Variants in PHACTR1 observed in about 807,000 individuals in gnomAD.
PHACTR1 encodes phosphatase and actin regulator 1, also known as RPEL repeat containing 1.
Under a neutral mutation model 69.2 loss-of-function variants are expected in PHACTR1, and 16 were observed. That is an observed-to-expected ratio of 0.23 (90% CI 0.16 to 0.35). The LOEUF (loss-of-function observed/expected upper bound fraction) is 0.35, where lower values mean the gene tolerates loss of function less well. PHACTR1 is among the 10% of genes least tolerant of loss of function. The pLI, the probability that PHACTR1 is intolerant of heterozygous loss-of-function variation, is 1.00. For synonymous variants in PHACTR1, 312 were observed against 284.5 expected (o/e 1.10, Z -0.97); for missense variants, 510 against 734.7 (o/e 0.69, Z 3.54).
At chr6:13,072,118 G>C (rs139952766) in intron 5 of PHACTR1, among the ~76,000 whole-genome samples, 2 of 152,326 alleles carry the variant, frequency 1.3e-5, no homozygotes, top group African/African-American at 4.8e-5. Context: ...ATGAATGGCT[G>C]AAACATCACT....
chr6:13,160,526 T>C (rs1758837400), intron 6 of PHACTR1, among the ~76,000 whole-genome samples: 1 of 152,226 alleles, frequency 6.6e-6, no homozygotes. Context: ...CACAGGAGGC[T>C]AAGCAAAATG....
chr6:12,872,199 T>A (rs1782097858), intron 4 of PHACTR1, among the ~76,000 whole-genome samples: 1 of 152,168 alleles, frequency 6.6e-6, no homozygotes, highest in South Asian at 2.1e-4. Flanking sequence ...AAAAGAAGAC[T>A]TTTATCTGTT....
chr6:12,908,006 T>C (rs1785937477), intron 4 of PHACTR1, among the ~76,000 whole-genome samples: 1 of 152,216 alleles, frequency 6.6e-6, no homozygotes, highest in Non-Finnish European at 1.5e-5. Context: ...CTTGAATAAT[T>C]CCCACAAAAT....
chr6:12,939,544 G>T (rs2127539188), intron 4 of PHACTR1, among the ~76,000 whole-genome samples: 1 of 152,254 alleles, frequency 6.6e-6, no homozygotes, highest in South Asian at 2.1e-4. Context: ...CAAGTCTAAG[G>T]CTGACGCATA....
chr6:13,133,365 C>G (rs561468569), intron 5 of PHACTR1, among the ~76,000 whole-genome samples: 1 of 151,538 alleles, frequency 6.6e-6, no homozygotes, highest in African/African-American at 2.4e-5. Flanking sequence ...ACTGTAATGC[C>G]GCCATCTCGG....
intron 7 of PHACTR1, among the ~76,000 whole-genome samples, chr6:13,191,180 C>T (rs1763533900): frequency 6.6e-6 from 1 of 152,184 alleles, no homozygotes; most frequent in East Asian, 1.9e-4. Flanking sequence ...CCCAGTAATC[C>T]CAGTGCAATA....
intron 5 of PHACTR1, among the ~76,000 whole-genome samples, chr6:13,089,292 A>T (rs1430359374): frequency 6.6e-6 from 1 of 152,208 alleles, no homozygotes; most frequent in Non-Finnish European, 1.5e-5. Flanking sequence ...ATCTGGGCAG[A>T]GAACCCAGGG....
chr6:12,948,232 G>A (rs893952644), intron 4 of PHACTR1, among the ~76,000 whole-genome samples: 3 of 152,212 alleles, frequency 2.0e-5, no homozygotes, highest in Admixed American at 6.5e-5. Context: ...GTGTTGGTAA[G>A]CTGTACAGAG....
At chr6:12,954,117 G>C (rs1018682072) in intron 4 of PHACTR1, among the ~76,000 whole-genome samples, 6 of 152,116 alleles carry the variant, frequency 3.9e-5, no homozygotes, top group African/African-American at 1.4e-4. Flanking sequence ...TTTCAAGGAA[G>C]AACATTCCAG....
At chr6:13,272,644 G>A (rs563552779) in intron 10 of PHACTR1, 25 of 1,420,518 alleles carry the variant, frequency 1.8e-5, no homozygotes, top group African/African-American at 1.3e-4. Context: ...GGAGGAGGGC[G>A]GGGGTCAGCG....
At chr6:12,739,090 T>C (rs1466141600) in intron 3 of PHACTR1, among the ~76,000 whole-genome samples, 1 of 152,088 alleles carries the variant, frequency 6.6e-6, no homozygotes, top group African/African-American at 2.4e-5. Flanking sequence ...TGCGACACTC[T>C]TGTGACATGT....
At chr6:13,042,429 G>T (rs1804334862) in intron 4 of PHACTR1, among the ~76,000 whole-genome samples, 1 of 152,168 alleles carries the variant, frequency 6.6e-6, no homozygotes, top group African/African-American at 2.4e-5. Context: ...AGGATCCTAG[G>T]GTTCATTAGG....
intron 5 of PHACTR1, among the ~76,000 whole-genome samples, chr6:13,083,299 T>C (rs1811712518): frequency 6.6e-6 from 1 of 152,012 alleles, no homozygotes; most frequent in African/African-American, 2.4e-5. Context: ...GTTCCATTGG[T>C]CTATATCTCT....
intron 4 of PHACTR1, among the ~76,000 whole-genome samples, chr6:12,911,351 AAAAG>A (rs772420040): frequency 1.6e-4 from 25 of 152,340 alleles, no homozygotes; most frequent in South Asian, 6.2e-4. Context: ...CTTCCAAAAA[AAAAG>A]AAAGAAAGAG....
intron 4 of PHACTR1, among the ~76,000 whole-genome samples, chr6:12,925,445 C>G (rs138908876): frequency 6.6e-6 from 1 of 152,162 alleles, no homozygotes; most frequent in Non-Finnish European, 1.5e-5. Context: ...ATTTTAATAA[C>G]TTAATGTCTT....
At chr6:13,033,437 C>A (rs1036096867) in intron 4 of PHACTR1, among the ~76,000 whole-genome samples, 3 of 152,102 alleles carry the variant, frequency 2.0e-5, no homozygotes, top group African/African-American at 7.2e-5. Flanking sequence ...AGTATTACTG[C>A]CTGTTTTATG....
chr6:12,969,298 T>A (rs535027659), intron 4 of PHACTR1, among the ~76,000 whole-genome samples: 4 of 152,358 alleles, frequency 2.6e-5, no homozygotes, highest in Admixed American at 2.6e-4. Context: ...GAATTCATAC[T>A]TGACTTCTCT....
intron 5 of PHACTR1, among the ~76,000 whole-genome samples, chr6:13,072,319 A>G (rs957805503): frequency 6.6e-6 from 1 of 152,214 alleles, no homozygotes; most frequent in Admixed American, 6.5e-5. Context: ...CAGCATGCCT[A>G]TGGAAGGTCT....
intron 5 of PHACTR1, among the ~76,000 whole-genome samples, chr6:13,107,761 T>C (rs1295093538): frequency 6.6e-6 from 1 of 152,138 alleles, no homozygotes; most frequent in Non-Finnish European, 1.5e-5. Context: ...TAAAATTATC[T>C]TTTATTCATA....
Sources: gnomAD v4.1 joint callset for allele counts (sites outside exome capture counted in the v4.1 genomes callset) on GRCh38, gnomAD v4.1.1 for gene constraint, MANE v1.5 for transcripts, NCBI Gene and HGNC (gene_info 2026-07-23, HGNC 2026-07-21) for gene names.